ACKR2: variants seen among roughly 807,000 people sequenced by gnomAD.
ACKR2 encodes the protein atypical chemokine receptor 2, also known as C-C chemokine receptor D6.
For missense variants in ACKR2, 457 were observed against 477.3 expected (o/e 0.96, Z 0.40); for synonymous variants, 207 against 192.2 (o/e 1.08, Z -0.64).
intron 2 of ACKR2, among the ~76,000 whole-genome samples, chr3:42,863,017 TTAAAC>T (rs1472240026): frequency 6.6e-5 from 10 of 152,172 alleles, no homozygotes; most frequent in Non-Finnish European, 4.4e-5. Context: ...TGGGATCTAA[TTAAAC>T]TAAAGAGCTT....
At chr3:42,842,731 C>T (rs959542943) in intron 2 of ACKR2, among the ~76,000 whole-genome samples, 2 of 151,988 alleles carry the variant, frequency 1.3e-5, no homozygotes, top group African/African-American at 4.8e-5. Context: ...ACCTGTAATC[C>T]CAACACTTTT....
At chr3:42,848,213 A>ATTT (rs36054454) in intron 2 of ACKR2, among the ~76,000 whole-genome samples, 159 of 74,898 alleles carry the variant, frequency 2.1e-3, no homozygotes, top group East Asian at 6.6e-3. Context: ...AAAAAAAAAA[A>ATTT]TTTTTTTTTT....
intron 2 of ACKR2, among the ~76,000 whole-genome samples, chr3:42,828,718 G>T (rs1292151930): frequency 6.6e-6 from 1 of 152,104 alleles, no homozygotes; most frequent in African/African-American, 2.4e-5. Flanking sequence ...CTGATGATTT[G>T]GGGGGCTAAT....
At chr3:42,830,841 A>G (rs1325536886) in intron 2 of ACKR2, among the ~76,000 whole-genome samples, 2 of 151,998 alleles carry the variant, frequency 1.3e-5, no homozygotes, top group African/African-American at 2.4e-5. Flanking sequence ...CCCTTAGGCT[A>G]GATAGACATT....
chr3:42,835,021 A>C (rs1212718738), intron 2 of ACKR2, among the ~76,000 whole-genome samples: 1 of 151,786 alleles, frequency 6.6e-6, no homozygotes, highest in Non-Finnish European at 1.5e-5. Flanking sequence ...GAGTAGCTGG[A>C]ACTGCAGGCA....
At chr3:42,864,359 G>C in intron 2 of ACKR2, 107 bp from the exon 3 acceptor site, 1 of 972,298 alleles carries the variant, frequency 1.0e-6, no homozygotes, top group Non-Finnish European at 1.5e-6. Context: ...TGGACTGCAG[G>C]TACTGATGTA....
chr3:42,848,213 A>ATT (rs36054454), intron 2 of ACKR2, among the ~76,000 whole-genome samples: 1,236 of 74,894 alleles, frequency 0.017, 11 homozygotes, highest in East Asian at 0.052. Context: ...AAAAAAAAAA[A>ATT]TTTTTTTTTT....
rs530782874 is a variant in ACKR2 at position 42,832,637 on chromosome 3, T to C, written c.-38+12926T>C. Among the ~76,000 whole-genome samples, 6 of 152,196 alleles carry C rather than the reference T, an allele frequency of 3.9e-5. No individual in the cohort carries two copies. The South Asian group carries it at 1.2e-3, about 32-fold the overall frequency. On this transcript the variant is annotated intron_variant, in intron 2 of 2. Coordinates refer to ENST00000422265, the MANE Select transcript of ACKR2 (RefSeq NM_001296.5). ...GCATACGGAACGCACAGCAATGAAATACTCTAGACCAGTGCTGTCCAATAA... is the reference window on the plus strand; with the variant it reads ...GCATACGGAACGCACAGCAATGAAACACTCTAGACCAGTGCTGTCCAATAA...
intron 1 of ACKR2, among the ~76,000 whole-genome samples, chr3:42,816,089 A>G (rs777076785): frequency 6.6e-6 from 1 of 151,822 alleles, no homozygotes; most frequent in Non-Finnish European, 1.5e-5. Flanking sequence ...ACTGGCATAT[A>G]GTAAGTGTTA....
Position 42,838,369 on chromosome 3 carries a change from T to TA in ACKR2, c.-38+18664dup, listed in dbSNP as rs141492103. Among the ~76,000 whole-genome samples the TA allele has an allele frequency of 1.1e-3, 170 of 152,142 alleles. 4 individuals are homozygous for TA. In the East Asian group the frequency reaches 0.02, roughly 18 times the overall value. On this transcript the variant is annotated intron_variant, in intron 2 of 2. Transcript: ENST00000422265. ...TAAGAAAACACACAGCCCAATTTTG[T>TA]AAAAAATGGGCAAAATATGTGAAAA...
rs1389241160 is a variant in ACKR2, at chr3:42,864,455, TC to T, written c.-37-5del. 9 of 1,537,528 alleles carry T rather than the reference TC, an allele frequency of 5.9e-6. No individual in the cohort carries two copies. Among genetic ancestry groups the T allele is most frequent in the Non-Finnish European group, 7.9e-6 (9 of 1,145,620 alleles). ...GAGAATGCTAGGTCTCACCATATTT[TC>T]CCCCCGCAGCACTACAGGACGTCGG... On this transcript the variant is annotated splice_polypyrimidine_tract_variant and intron_variant, in intron 2 of 2. Transcript: ENST00000422265.
At chr3:42,861,840 C>T (rs1195180288) in intron 2 of ACKR2, among the ~76,000 whole-genome samples, 3 of 152,110 alleles carry the variant, frequency 2.0e-5, no homozygotes, top group Non-Finnish European at 1.5e-5. Context: ...ACTCAATAAA[C>T]TAGGTACTGA....
At chr3:42,860,189 A>AAAAAACAAAAAAAAAAC (rs376833790) in intron 2 of ACKR2, among the ~76,000 whole-genome samples, 3 of 111,520 alleles carry the variant, frequency 2.7e-5, no homozygotes, top group East Asian at 3.7e-4. Flanking sequence ...AAAAAAAAAA[A>AAAAAACAAAAAAAAAAC]GCAGGGGATG....
At chr3:42,825,289 TGAAG>T (rs765899629) in intron 2 of ACKR2, among the ~76,000 whole-genome samples, 20 of 152,186 alleles carry the variant, frequency 1.3e-4, no homozygotes, top group Non-Finnish European at 2.8e-4. Flanking sequence ...TGTAGATCAA[TGAAG>T]GGAGTACATC....
At chr3:42,847,839 C>T (rs942863822) in intron 2 of ACKR2, among the ~76,000 whole-genome samples, 7 of 152,120 alleles carry the variant, frequency 4.6e-5, no homozygotes, top group African/African-American at 7.2e-5. Flanking sequence ...CTGACTCCTC[C>T]GACTGCAACC....
In ACKR2 at chr3:42,865,334, C is replaced by T; in HGVS notation, c.832C>T (p.Leu278=). 6.2e-7 allele frequency: 1 copy of T among 1,614,234 alleles called. No homozygotes were observed. Among genetic ancestry groups the T allele is most frequent in the Non-Finnish European group, 8.5e-7 (1 of 1,180,050 alleles). Residue 278 remains leucine (L), a synonymous_variant, in exon 3 of 3, where the codon CTG becomes TTG. Transcript: ENST00000422265. ...LTLFLHTLLD[L]QVFGNCEVSQ... is the part of the protein sequence containing the mutation. ...CTTGTTTCTGCATACGCTGTTGGAC[C>T]TGCAAGTATTCGGGAACTGTGAGGT...
At chr3:42,843,352 G>A (rs1186758617) in intron 2 of ACKR2, among the ~76,000 whole-genome samples, 2 of 152,176 alleles carry the variant, frequency 1.3e-5, no homozygotes, top group African/African-American at 4.8e-5. Context: ...TTGCAGGCAT[G>A]AGCCACCATA....
intron 2 of ACKR2, among the ~76,000 whole-genome samples, chr3:42,828,092 A>ATTTTTTTTTTTTTTTTTTTT (rs71072742): frequency 8.2e-6 from 1 of 121,902 alleles, no homozygotes; most frequent in African/African-American, 3.2e-5. Context: ...ATATATATAT[A>ATTTTTTTTTTTTTTTTTTTT]TTTTTTTTTT....
chr3:42,852,688 G>A lies in ACKR2; in HGVS notation c.-37-11778G>A, dbSNP rs1211296695. On this transcript the variant is annotated intron_variant, in intron 2 of 2. Transcript: ENST00000422265. The surrounding 1 kb of genome is among the most constrained non-coding windows in gnomAD (Gnocchi z 4.3). ...CTTTGTGTAATCTGGTGTACCAGAC[G>A]TGGCTCTGGGCATGAAAACAGACAA... 3.3e-5 allele frequency among the ~76,000 whole-genome samples: 5 copies of A among 152,164 alleles called. No individual in the cohort carries two copies.
Sources: gnomAD v4.1 joint callset for allele counts (sites outside exome capture counted in the v4.1 genomes callset) on GRCh38, gnomAD v4.1.1 for gene constraint, Gnocchi (gnomAD v3.1) non-coding constraint, MANE v1.5 for transcripts, NCBI Gene and HGNC (gene_info 2026-07-23, HGNC 2026-07-21) for gene names.